Variants in TEX48 observed in about 807,000 individuals in gnomAD.
TEX48 encodes testis expressed 48, also known as testis-expressed protein 48.
TEX48 carries 10 observed loss-of-function variants against 13.2 expected under a neutral mutation model. The ratio of observed to expected loss-of-function variants is 0.75; its 90% confidence interval spans 0.47 to 1.28. TEX48 has a LOEUF of 1.28. Among genes scored for constraint, TEX48 ranks in the 50% most tolerant of loss-of-function variants. The probability of loss-of-function intolerance (pLI) is 0.00; values close to 1 mark genes in which losing one functional copy is unlikely to be tolerated. For missense variants in TEX48, 116 were observed against 139.4 expected, an observed-to-expected ratio of 0.83 and a Z score of 0.84; for synonymous variants, 45 against 52.3, an observed-to-expected ratio of 0.86 and a Z score of 0.60.
chr9:114,666,726 G>A lies in TEX48; in HGVS notation c.280C>T (p.Gln94Ter). The A allele has an allele frequency of 6.5e-7, 1 of 1,532,828 alleles. No homozygotes were observed. The highest frequency in any genetic ancestry group is 8.7e-7 in the Non-Finnish European group (1 of 1,144,512). 95.0% of individuals were successfully genotyped at this position (1,532,828 alleles called of 1,614,324 possible). A position where few individuals can be genotyped will look rare whatever the true frequency, so the allele number is the denominator to read the frequency against. Residue 94 changes from glutamine (Q) to a stop codon, truncating the protein, a stop_gained, in exon 5 of 5, where the codon CAA becomes TAA. Coordinates refer to ENST00000436752, the MANE Select transcript of TEX48 (RefSeq NM_001199233.2). LOFTEE classifies it high-confidence loss of function. ...EFEDLNAYAS[Q>*]RNFYKRNLNR... Reference sequence around the variant, plus strand: ...AAGTTTCTCTTGTAAAAATTTCTTTGGGAAGCATATGCATTCAGATCTGAA... The same window carrying A: ...AAGTTTCTCTTGTAAAAATTTCTTTAGGAAGCATATGCATTCAGATCTGAA...
At chr9:114,675,045 C>A (rs765066236) in intron 1 of TEX48, among the ~76,000 whole-genome samples, 6 of 152,190 alleles carry the variant, frequency 3.9e-5, no homozygotes, top group Admixed American at 6.5e-5. Flanking sequence ...AATTAGAAGT[C>A]ACATGAGGTC....
At chr9:114,668,402 G>A (rs1827882120) in intron 3 of TEX48, 65 bp from the exon 4 acceptor site, 1 of 1,460,754 alleles carries the variant, frequency 6.8e-7, no homozygotes, top group African/African-American at 1.4e-5. Context: ...AAGTGAAGAT[G>A]TTTTGCAAGC....
chr9:114,680,260 T>C (rs2133769486), intron 1 of TEX48, among the ~76,000 whole-genome samples: 1 of 151,920 alleles, frequency 6.6e-6, no homozygotes, highest in Middle Eastern at 3.4e-3. Context: ...CCCGAGTAGC[T>C]GGGATTACAG....
At chr9:114,670,864 A>G (rs895570212) in intron 3 of TEX48, among the ~76,000 whole-genome samples, 7 of 152,084 alleles carry the variant, frequency 4.6e-5, no homozygotes, top group African/African-American at 1.7e-4. Flanking sequence ...CTAGATGCTT[A>G]TTTATATTGC....
At chr9:114,674,300 T>G (rs1277523753) in intron 1 of TEX48, among the ~76,000 whole-genome samples, 1 of 152,130 alleles carries the variant, frequency 6.6e-6, no homozygotes, top group East Asian at 1.9e-4. Flanking sequence ...TTGCCCCCCC[T>G]GCTGAGTTTT....
At chr9:114,670,628 G>A (rs1000039948) in intron 3 of TEX48, among the ~76,000 whole-genome samples, 1 of 151,912 alleles carries the variant, frequency 6.6e-6, no homozygotes, top group Non-Finnish European at 1.5e-5. Flanking sequence ...CTCTTCCCTT[G>A]ACATGGTAGC....
At chr9:114,678,379 G>A (rs1159905008) in intron 1 of TEX48, among the ~76,000 whole-genome samples, 1 of 152,194 alleles carries the variant, frequency 6.6e-6, no homozygotes, top group Non-Finnish European at 1.5e-5. Context: ...CTGCACTGAA[G>A]GTAGATCAAG....
At chr9:114,680,455 G>T (rs1828173337) in intron 1 of TEX48, among the ~76,000 whole-genome samples, 1 of 152,128 alleles carries the variant, frequency 6.6e-6, no homozygotes, top group African/African-American at 2.4e-5. Flanking sequence ...CATCATTCAG[G>T]TTCTGTTGTC....
intron 1 of TEX48, among the ~76,000 whole-genome samples, chr9:114,676,096 T>C (rs1828056582): frequency 1.3e-5 from 2 of 152,254 alleles, no homozygotes; most frequent in Non-Finnish European, 2.9e-5. Context: ...GTTGAAACGT[T>C]GTCTTGTAAC....
chr9:114,681,735 C>T (rs1057448156), intron 1 of TEX48, among the ~76,000 whole-genome samples: 1 of 147,364 alleles, frequency 6.8e-6, no homozygotes, highest in Admixed American at 7.1e-5. Flanking sequence ...GGGTTGTCCC[C>T]AGTGGGTATG....
chr9:114,675,752 C>T lies in TEX48; in HGVS notation c.-104-3925G>A, dbSNP rs192544961. Among the ~76,000 whole-genome samples, 4 of 152,354 alleles carry T rather than the reference C, an allele frequency of 2.6e-5. No homozygotes were observed. The East Asian group carries it at 7.7e-4, about 29-fold the overall frequency. On this transcript the variant is annotated intron_variant, in intron 1 of 4. Coordinates refer to ENST00000436752, the MANE Select transcript of TEX48 (RefSeq NM_001199233.2). Reference sequence around the variant, plus strand: ...CTGCAGATCCAACTCCTTTTGTGATCACCACTGTTATTCTCTTCATCCTCA... The same window carrying T: ...CTGCAGATCCAACTCCTTTTGTGATTACCACTGTTATTCTCTTCATCCTCA...
intron 3 of TEX48, among the ~76,000 whole-genome samples, chr9:114,670,056 C>T (rs1220112413): frequency 6.6e-6 from 1 of 152,188 alleles, no homozygotes; most frequent in Non-Finnish European, 1.5e-5. Context: ...TAACCCCCAC[C>T]TGCCTCTTCA....
At chr9:114,672,208 TA>T (rs371025702) in intron 1 of TEX48, among the ~76,000 whole-genome samples, 304 of 152,334 alleles carry the variant, frequency 2.0e-3, no homozygotes, top group African/African-American at 6.8e-3. Flanking sequence ...GTCCAGGTCC[TA>T]TGGAAAGGAA....
At chr9:114,681,264 C>T (rs1057104787) in intron 1 of TEX48, among the ~76,000 whole-genome samples, 2 of 152,158 alleles carry the variant, frequency 1.3e-5, no homozygotes, top group African/African-American at 4.8e-5. Context: ...CTCTCCACAT[C>T]TTTACTAGAA....
At chr9:114,672,517 G>T (rs1433281277) in intron 1 of TEX48, among the ~76,000 whole-genome samples, 1 of 152,060 alleles carries the variant, frequency 6.6e-6, no homozygotes, top group Non-Finnish European at 1.5e-5. Flanking sequence ...TATTGTTTAG[G>T]CGTCCCTCAC....
chr9:114,676,568 C>T (rs1455873912), intron 1 of TEX48, among the ~76,000 whole-genome samples: 1 of 151,200 alleles, frequency 6.6e-6, no homozygotes, highest in East Asian at 1.9e-4. Flanking sequence ...TAGCAGTGAA[C>T]AAGACACAGG....
In TEX48 at chr9:114,668,319, T is replaced by A. The variant is rs1359784378; in HGVS notation, c.146A>T (p.Asp49Val). Residue 49 changes from aspartate (D) to valine (V), a missense_variant, in exon 4 of 5, where the codon GAT becomes GTT. Transcript: ENST00000436752. ...PSTQNLLLQK[D>V]ELDRQNPKRI... is the part of the protein sequence containing the mutation. ...CTTGGGATTTTGTCTGTCAAGCTCA[T>A]CCTTCTGAAGCAGCAAATCTGGCAA... 1.3e-6 allele frequency: 2 copies of A among 1,535,674 alleles called. No individual in the cohort carries two copies. The highest frequency in any genetic ancestry group is 2.4e-5 in the South Asian group (2 of 84,066).
intron 1 of TEX48, among the ~76,000 whole-genome samples, chr9:114,674,660 TC>T (rs779522793): frequency 0.18 from 12,399 of 68,484 alleles, 1,696 homozygotes; most frequent in African/African-American, 0.25. Context: ...CTTCCTTCCT[TC>T]CTTCCTTCTT....
At chr9:114,676,696 G>A (rs930169955) in intron 1 of TEX48, among the ~76,000 whole-genome samples, 107 of 149,468 alleles carry the variant, frequency 7.2e-4, no homozygotes, top group Non-Finnish European at 1.4e-3. Flanking sequence ...GTCTCACTTC[G>A]TGCTCCGCCT....
Sources: allele counts gnomAD v4.1 joint callset (sites outside exome capture counted in the v4.1 genomes callset), GRCh38; gene constraint gnomAD v4.1.1; transcripts MANE v1.5; gene names NCBI Gene and HGNC (gene_info 2026-07-23, HGNC 2026-07-21).